Variants in NRIP1 observed in about 807,000 individuals in gnomAD.
NRIP1 encodes nuclear receptor interacting protein 1.
Under a neutral mutation model 75.0 loss-of-function variants are expected in NRIP1, and 28 were observed. That is an observed-to-expected ratio of 0.37 (90% CI 0.28 to 0.51). The LOEUF is 0.51. Ranked by LOEUF, NRIP1 falls within the 20% of genes least tolerant of loss-of-function variation. The probability of loss-of-function intolerance (pLI) is 0.92; values close to 1 mark genes in which losing one functional copy is unlikely to be tolerated. For synonymous variants in NRIP1, 526 were observed against 487.6 expected (o/e 1.08, Z -1.04); for missense variants, 1,435 against 1,343.7 (o/e 1.07, Z -1.06).
At chr21:15,024,503 C>T (rs997772984) in intron 2 of NRIP1, among the ~76,000 whole-genome samples, 2 of 152,062 alleles carry the variant, frequency 1.3e-5, no homozygotes, top group Non-Finnish European at 2.9e-5. Context: ...GAACGCATCA[C>T]TGCACTCCAG....
rs369884270 is a variant in NRIP1, at chr21:14,965,639, G to C, written c.2554C>G (p.Leu852Val). ...NEMALLESKN[L>V]CMVPKKRKLY... ...TTCCTTTTCTTAGGGACCATGCAAA[G>C]ATTCTTTGATTCTAGAAGTGCCATT... is the stretch of plus-strand genomic sequence containing the variant. Residue 852 changes from leucine to valine, a missense_variant, in exon 4 of 4, where the codon CTT (leucine) becomes GTT (valine). Coordinates refer to ENST00000318948, the MANE Select transcript of NRIP1 (RefSeq NM_003489.4). 1.7e-5 allele frequency: 27 copies of C among 1,613,038 alleles called. No homozygotes were observed. Among genetic ancestry groups the C allele is most frequent in the Non-Finnish European group, 2.1e-5 (25 of 1,179,888 alleles).
chr21:15,065,255 G>A (rs1978787438), upstream of NRIP1, among the ~76,000 whole-genome samples: 1 of 152,004 alleles, frequency 6.6e-6, no homozygotes, highest in African/African-American at 2.4e-5. Context: ...CTGCTCTCCG[G>A]GTGTCCCAGA....
In NRIP1 at chr21:15,061,048, T is replaced by C. The variant is rs961430134; in HGVS notation, c.-538+3697A>G. On this transcript the variant is annotated intron_variant, in intron 1 of 3. Coordinates refer to ENST00000318948, the MANE Select transcript of NRIP1 (RefSeq NM_003489.4). ...CTGCTCATTCCCCCTCCCCCAAAAG[T>C]CCCTGAAAAAACTACAACTTAAGGA... Among the ~76,000 whole-genome samples, 3 of 152,220 alleles carry C rather than the reference T, an allele frequency of 2.0e-5. No individual in the cohort carries two copies. The South Asian group carries it at 6.2e-4, about 32-fold the overall frequency.
At chr21:15,038,093 T>A (rs569695591) in intron 2 of NRIP1, among the ~76,000 whole-genome samples, 3 of 152,170 alleles carry the variant, frequency 2.0e-5, no homozygotes, top group African/African-American at 7.2e-5. Flanking sequence ...GTTAAATATG[T>A]AAAGGTGTAA....
intron 2 of NRIP1, among the ~76,000 whole-genome samples, chr21:15,017,651 CAGT>C (rs1427518010): frequency 6.6e-6 from 1 of 152,120 alleles, no homozygotes; most frequent in African/African-American, 2.4e-5. Context: ...ATTCAAATCC[CAGT>C]ATTTTGGAAA....
chr21:14,997,150 AATAAATTTTT>A (rs1466485377), intron 3 of NRIP1, among the ~76,000 whole-genome samples: 1 of 152,148 alleles, frequency 6.6e-6, no homozygotes, highest in Admixed American at 6.5e-5. Flanking sequence ...TCTAAATGCC[AATAAATTTTT>A]ACAATTAAAG....
Position 14,966,550 on chromosome 21 carries a change from G to A in NRIP1, c.1643C>T (p.Thr548Ile), listed in dbSNP as rs2086750053. The stretch of plus-strand genomic sequence containing the variant: ...TAAAGGTGGAGTGCTCACTGGAGTA[G>A]TCCGATTTGTACTGGGGCTTTCTAT... ...SVIESPSTNR[T>I]TPVSTPPLLT... The change falls in exon 4 of 4, where the codon ACT becomes ATT. Residue 548 changes from threonine (T) to isoleucine (I), a missense_variant. Physicochemically the swap from Thr to Ile is moderately conservative, Grantham distance 89. Transcript: ENST00000318948. The A allele has an allele frequency of 1.2e-6, 2 of 1,613,990 alleles. No homozygotes were observed. Among genetic ancestry groups the A allele is most frequent in the African/African-American group, 2.7e-5 (2 of 74,912 alleles).
Position 14,965,871 on chromosome 21 carries a change from A to G in NRIP1, c.2322T>C (p.His774=). 6.2e-7 allele frequency: 1 copy of G among 1,614,124 alleles called. No individual in the cohort carries two copies. Among genetic ancestry groups the G allele is most frequent in the East Asian group, 2.2e-5 (1 of 44,886 alleles). ...CCAAGAATGGGGCACTCTTAGCATC[A>G]TGGCTCAAGTGCACATTTGTGTTAG... is the stretch of plus-strand genomic sequence containing the variant. The part of the protein sequence containing the change: ...QIPNTNVHLS[H]DAKSAPFLGM... Residue 774 remains histidine, a synonymous_variant, in exon 4 of 4, where the codon CAT becomes CAC. Coordinates refer to ENST00000318948, the MANE Select transcript of NRIP1 (RefSeq NM_003489.4).
intron 3 of NRIP1, among the ~76,000 whole-genome samples, chr21:14,990,875 T>A (rs1478613879): frequency 1.3e-5 from 2 of 152,120 alleles, no homozygotes; most frequent in African/African-American, 2.4e-5. Flanking sequence ...TAATAATAAG[T>A]AGCCATCACA....
At position 14,964,764 on chromosome 21, in the gene NRIP1, A is replaced by G. The variant is rs1482440563; in HGVS notation, c.3429T>C (p.Val1143=). The change falls in exon 4 of 4, where the codon GTT becomes GTC. Residue 1143 remains valine (V), a synonymous_variant. Coordinates refer to ENST00000318948, the MANE Select transcript of NRIP1 (RefSeq NM_003489.4). ...TTAGCACGCTTCCCAGAAGTCCATAAACTTCTCCATTTGCGCTGTGTGGGC... is the reference window on the plus strand; with the variant it reads ...TTAGCACGCTTCCCAGAAGTCCATAGACTTCTCCATTTGCGCTGTGTGGGC... ...ASRPHSANGE[V]YGLLGSVLTI... is the part of the protein sequence containing the mutation. 1 of 1,583,020 alleles carries G rather than the reference A, an allele frequency of 6.3e-7. No individual in the cohort carries two copies. The highest frequency in any genetic ancestry group is 1.2e-5 in the South Asian group (1 of 85,098).
At chr21:15,040,494 C>A (rs1456058805) in intron 2 of NRIP1, among the ~76,000 whole-genome samples, 1 of 151,972 alleles carries the variant, frequency 6.6e-6, no homozygotes, top group East Asian at 1.9e-4. Context: ...ATAATAAAAA[C>A]ACAAAGGTCA....
chr21:15,020,243 C>T (rs1029667521), intron 2 of NRIP1, among the ~76,000 whole-genome samples: 1 of 152,108 alleles, frequency 6.6e-6, no homozygotes, highest in Non-Finnish European at 1.5e-5. Context: ...GTTGGTCCTG[C>T]TATAAAGATA....
At chr21:14,973,439 T>G (rs1468380770) in intron 3 of NRIP1, among the ~76,000 whole-genome samples, 1 of 152,106 alleles carries the variant, frequency 6.6e-6, no homozygotes, top group Non-Finnish European at 1.5e-5. Flanking sequence ...ACATCTTTTA[T>G]GAACACTAAA....
chr21:14,981,542 G>A (rs2142453), intron 3 of NRIP1, among the ~76,000 whole-genome samples: 29,686 of 152,126 alleles, frequency 0.2, 3,182 homozygotes, highest in Non-Finnish European at 0.24. Flanking sequence ...GGATGACTCC[G>A]GTGTGCTGAG....
Position 14,963,363 on chromosome 21 carries a change from T to C in NRIP1, c.*1353A>G, listed in dbSNP as rs1267303872. ...CCATCCCTAAGGCTAACTAAGTAGA[T>C]GTTACTCATTAGAACACACAAATAA... On this transcript the variant is annotated 3_prime_UTR_variant, in exon 4 of 4. Transcript: ENST00000318948. The C allele has an allele frequency of 6.6e-6, 1 of 152,508 alleles. No individual in the cohort carries two copies. The highest frequency in any genetic ancestry group is 1.5e-5 in the Non-Finnish European group (1 of 67,966). 9.4% of individuals were successfully genotyped at this position (152,508 alleles called of 1,614,324 possible).
intron 1 of NRIP1, among the ~76,000 whole-genome samples, chr21:15,057,982 T>A (rs1278699068): frequency 8.5e-5 from 13 of 152,138 alleles, no homozygotes; most frequent in Non-Finnish European, 1.5e-5. Context: ...TTCTTAATAT[T>A]CCAAGTTTCT....
At chr21:15,019,036 T>C (rs2088303859) in intron 2 of NRIP1, among the ~76,000 whole-genome samples, 1 of 151,764 alleles carries the variant, frequency 6.6e-6, no homozygotes, top group Admixed American at 6.6e-5. Context: ...ATGTGTTGGA[T>C]TTTGTCAAAT....
Position 14,967,796 on chromosome 21 carries a change from G to A in NRIP1, c.397C>T (p.Leu133=). The A allele has an allele frequency of 6.2e-7, 1 of 1,614,038 alleles. No individual in the cohort carries two copies. Among genetic ancestry groups the A allele is most frequent in the South Asian group, 1.1e-5 (1 of 91,066 alleles). ...VPKGKQDSTL[L]ASLLQSFSSR... ...CTGAATGACTGAAGCAAAGAGGCCA[G>A]TAATGTGCTATCCTGTTTGCCTTTA... is the stretch of plus-strand genomic sequence containing the variant. The change falls in exon 4 of 4, where the codon CTG becomes TTG. Residue 133 remains leucine, a synonymous_variant. Transcript: ENST00000318948.
At position 14,968,071 on chromosome 21, in the gene NRIP1, G is replaced by T; in HGVS notation, c.122C>A (p.Ser41Tyr). 6.2e-7 allele frequency: 1 copy of T among 1,614,070 alleles called. No individual in the cohort carries two copies. Among genetic ancestry groups the T allele is most frequent in the East Asian group, 2.2e-5 (1 of 44,876 alleles). The change falls in exon 4 of 4, where the codon TCT becomes TAT. Residue 41 changes from serine to tyrosine, a missense_variant. By Grantham distance (144) the Ser-to-Tyr change is moderately radical (BLOSUM62 -2). Coordinates refer to ENST00000318948, the MANE Select transcript of NRIP1 (RefSeq NM_003489.4). ...CTGATCCTCTTCATTATGCCCAGCA[G>T]ACTTTTTGTCAACGGCAGTACCTGA... The part of the protein sequence containing the change: ...GGSGTAVDKK[S>Y]AGHNEEDQNF...
Sources: allele counts gnomAD v4.1 joint callset (sites outside exome capture counted in the v4.1 genomes callset), GRCh38; gene constraint gnomAD v4.1.1; transcripts MANE v1.5; gene names NCBI Gene and HGNC (gene_info 2026-07-23, HGNC 2026-07-21).